Variants in TENM4 observed in about 807,000 individuals in gnomAD.
TENM4 encodes teneurin-4.
Under a neutral mutation model 243.3 loss-of-function variants are expected in TENM4, and 82 were observed. The ratio of observed to expected loss-of-function variants is 0.34; its 90% CI spans 0.28 to 0.40. The LOEUF (loss-of-function observed/expected upper bound fraction) is 0.40, where lower values mean the gene tolerates loss of function less well. TENM4 is among the 10% of genes least tolerant of loss of function. TENM4 has a pLI of 1.00. For synonymous variants in TENM4, 1,412 were observed against 1,456.3 expected (o/e 0.97, Z 0.69); for missense variants, 3,138 against 3,673.3 (o/e 0.85, Z 3.77).
chr11:79,005,318 C>G (rs1166486217), intron 6 of TENM4, among the ~76,000 whole-genome samples: 1 of 152,106 alleles, frequency 6.6e-6, no homozygotes, highest in Non-Finnish European at 1.5e-5. Flanking sequence ...AAACTTTAGG[C>G]AATATCCTTG....
At chr11:79,429,898 A>G (rs1859130837) in intron 1 of TENM4, among the ~76,000 whole-genome samples, 1 of 152,216 alleles carries the variant, frequency 6.6e-6, no homozygotes, top group Non-Finnish European at 1.5e-5. Context: ...TTATTATCCC[A>G]ATGTTATGGA....
At chr11:78,694,664 C>G (rs1369024957) in intron 28 of TENM4, among the ~76,000 whole-genome samples, 3 of 152,172 alleles carry the variant, frequency 2.0e-5, no homozygotes, top group African/African-American at 7.2e-5. Context: ...CTCTGTTCCC[C>G]CTACCTCCCA....
chr11:78,804,342 C>T (rs1857345671), intron 15 of TENM4, among the ~76,000 whole-genome samples: 1 of 152,144 alleles, frequency 6.6e-6, no homozygotes, highest in Non-Finnish European at 1.5e-5. Context: ...TGGTCTCCAT[C>T]CTCTCTGATT....
intron 6 of TENM4, among the ~76,000 whole-genome samples, chr11:78,947,194 C>T (rs1256868402): frequency 6.6e-6 from 1 of 152,200 alleles, no homozygotes; most frequent in African/African-American, 2.4e-5. Context: ...ACTGGTCTCA[C>T]GTACACAGTG....
chr11:79,054,282 C>T (rs1859882495), intron 6 of TENM4, among the ~76,000 whole-genome samples: 1 of 152,156 alleles, frequency 6.6e-6, no homozygotes, highest in African/African-American at 2.4e-5. Flanking sequence ...AGCTGTGTGA[C>T]CTTGATTAAG....
chr11:79,115,548 ACC>A (rs1053197347), intron 4 of TENM4, among the ~76,000 whole-genome samples: 40 of 152,056 alleles, frequency 2.6e-4, no homozygotes, highest in Middle Eastern at 3.4e-3. Flanking sequence ...CTGGGTTTTC[ACC>A]CTGAATCTTA....
chr11:79,182,294 A>G (rs1192349075), intron 3 of TENM4, among the ~76,000 whole-genome samples: 1 of 152,210 alleles, frequency 6.6e-6, no homozygotes, highest in Non-Finnish European at 1.5e-5. Flanking sequence ...CTACATAAAT[A>G]CAGTCAACTG....
chr11:79,297,837 A>G (rs1856481097), intron 1 of TENM4, among the ~76,000 whole-genome samples: 1 of 152,180 alleles, frequency 6.6e-6, no homozygotes, highest in Non-Finnish European at 1.5e-5. Flanking sequence ...AGATGTCAAA[A>G]TATAAAAGAC....
intron 7 of TENM4, among the ~76,000 whole-genome samples, chr11:78,897,225 C>T (rs964712441): frequency 6.6e-6 from 1 of 152,128 alleles, no homozygotes; most frequent in Non-Finnish European, 1.5e-5. Context: ...GAATGAAGTG[C>T]GTCCTGTGTG....
intron 12 of TENM4, 80 bp downstream of exon 12, chr11:78,854,024 T>A: frequency 7.4e-7 from 1 of 1,358,606 alleles, no homozygotes; most frequent in Non-Finnish European, 1.0e-6. Flanking sequence ...CCCTTGTCAG[T>A]GTCAGTCCCA....
intron 3 of TENM4, among the ~76,000 whole-genome samples, chr11:79,206,245 G>C (rs1863847957): frequency 1.3e-5 from 2 of 152,190 alleles, no homozygotes; most frequent in African/African-American, 4.8e-5. Flanking sequence ...AGAAGAAAAA[G>C]CCAAGGGGAC....
intron 32 of TENM4, among the ~76,000 whole-genome samples, chr11:78,663,956 G>C (rs925472560): frequency 2.0e-5 from 3 of 152,170 alleles, no homozygotes; most frequent in Non-Finnish European, 4.4e-5. Flanking sequence ...AGGTGGAGTG[G>C]TGGTAGAAAG....
At chr11:79,117,412 G>A (rs980716418) in intron 4 of TENM4, among the ~76,000 whole-genome samples, 6 of 152,144 alleles carry the variant, frequency 3.9e-5, no homozygotes, top group South Asian at 2.1e-4. Flanking sequence ...TCTAGAAGAG[G>A]CTGTCCTTTA....
At chr11:79,020,911 A>T (rs73504628) in intron 6 of TENM4, among the ~76,000 whole-genome samples, 4,407 of 152,276 alleles carry the variant, frequency 0.029, 147 homozygotes, top group East Asian at 0.075. Flanking sequence ...TGCTGAACAC[A>T]TGCCTTACTC....
At chr11:79,110,202 G>A (rs1173826968) in intron 4 of TENM4, among the ~76,000 whole-genome samples, 5 of 152,158 alleles carry the variant, frequency 3.3e-5, no homozygotes, top group Non-Finnish European at 2.9e-5. Flanking sequence ...ATTATAAGGG[G>A]ACCCTTGCTC....
chr11:79,198,502 C>T (rs1863679049), intron 3 of TENM4, among the ~76,000 whole-genome samples: 1 of 152,220 alleles, frequency 6.6e-6, no homozygotes, highest in African/African-American at 2.4e-5. Flanking sequence ...CTCTCTCCTT[C>T]ACAGTCTTTA....
At chr11:79,279,628 G>A (rs550371789) in intron 2 of TENM4, among the ~76,000 whole-genome samples, 3 of 151,906 alleles carry the variant, frequency 2.0e-5, no homozygotes, top group African/African-American at 7.3e-5. Flanking sequence ...CTATCCCACT[G>A]CCCCATAGCT....
intron 10 of TENM4, among the ~76,000 whole-genome samples, chr11:78,856,556 T>C (rs1428237227): frequency 6.6e-6 from 1 of 152,012 alleles, no homozygotes; most frequent in Non-Finnish European, 1.5e-5. Context: ...GGGCTCACGG[T>C]AAAATAGAAA....
At chr11:78,827,829 CT>C (rs1857892610) in intron 12 of TENM4, among the ~76,000 whole-genome samples, 1 of 152,200 alleles carries the variant, frequency 6.6e-6, no homozygotes, top group Admixed American at 6.5e-5. Flanking sequence ...GAAGGTCCCC[CT>C]GGCTCTTCCT....
Sources: gnomAD v4.1 joint callset for allele counts (sites outside exome capture counted in the v4.1 genomes callset) on GRCh38, gnomAD v4.1.1 for gene constraint, MANE v1.5 for transcripts, NCBI Gene and HGNC (gene_info 2026-07-23, HGNC 2026-07-21) for gene names.